MAPKAP1: variants seen among roughly 807,000 people sequenced by gnomAD.
The protein encoded by MAPKAP1 is MAPK associated protein 1, also known as target of rapamycin complex 2 subunit MAPKAP1.
MAPKAP1 carries 20 observed loss-of-function variants against 65.7 expected under a neutral mutation model. That is an observed-to-expected ratio of 0.30 (90% CI 0.21 to 0.44). The LOEUF (loss-of-function observed/expected upper bound fraction) is 0.44, where lower values mean the gene tolerates loss of function less well. MAPKAP1 is among the 20% of genes least tolerant of loss of function. The probability of loss-of-function intolerance (pLI) is 1.00; values close to 1 mark genes in which losing one functional copy is unlikely to be tolerated. For synonymous variants in MAPKAP1, 222 were observed against 244.3 expected (o/e 0.91, Z 0.85); for missense variants, 423 against 648.0 (o/e 0.65, Z 3.77).
chr9:125,556,656 A>G (rs914496312), intron 6 of MAPKAP1, among the ~76,000 whole-genome samples: 1 of 152,150 alleles, frequency 6.6e-6, no homozygotes, highest in Non-Finnish European at 1.5e-5. Context: ...CTGGGAGACA[A>G]ATGGAAGGAG....
At chr9:125,565,557 T>A (rs933951193) in intron 5 of MAPKAP1, 1 of 274,454 alleles carries the variant, frequency 3.6e-6, no homozygotes, top group Non-Finnish European at 7.7e-6. Flanking sequence ...ATTAATAGTG[T>A]ATTGGGCATT....
chr9:125,614,703 T>C (rs1185449867), intron 4 of MAPKAP1, among the ~76,000 whole-genome samples: 1 of 152,174 alleles, frequency 6.6e-6, no homozygotes, highest in Admixed American at 6.5e-5. Flanking sequence ...ATTCAGTATA[T>C]TCAACATTCA....
chr9:125,514,757 C>T (rs985934309), intron 7 of MAPKAP1, among the ~76,000 whole-genome samples: 6 of 152,118 alleles, frequency 3.9e-5, no homozygotes, highest in African/African-American at 1.4e-4. Context: ...CTTCTGGTGG[C>T]ACTGCTGACA....
At chr9:125,669,968 T>C in intron 2 of MAPKAP1, 61 bp from the exon 3 acceptor site, 1 of 918,178 alleles carries the variant, frequency 1.1e-6, no homozygotes, top group Non-Finnish European at 1.7e-6. Context: ...AACAAAGACA[T>C]AATTAACTAC....
At chr9:125,634,744 G>C (rs1056020232) in intron 4 of MAPKAP1, among the ~76,000 whole-genome samples, 3 of 152,182 alleles carry the variant, frequency 2.0e-5, no homozygotes, top group African/African-American at 7.2e-5. Flanking sequence ...GAAAGTCAAA[G>C]TCTCAAAACA....
intron 10 of MAPKAP1, among the ~76,000 whole-genome samples, chr9:125,444,932 T>C (rs188267978): frequency 6.6e-6 from 1 of 152,358 alleles, no homozygotes; most frequent in East Asian, 1.9e-4. Flanking sequence ...TAACTCCACA[T>C]TATTACTCTA....
intron 1 of MAPKAP1, among the ~76,000 whole-genome samples, chr9:125,689,862 G>A (rs1471030947): frequency 6.7e-6 from 1 of 148,204 alleles, no homozygotes; most frequent in African/African-American, 2.5e-5. Flanking sequence ...CGAGGTGGGC[G>A]GGTCACCTGA....
chr9:125,473,850 T>C (rs1854011770), intron 9 of MAPKAP1, among the ~76,000 whole-genome samples: 1 of 152,148 alleles, frequency 6.6e-6, no homozygotes. Flanking sequence ...AAGTCCTCTG[T>C]TCAAATGTCA....
chr9:125,525,070 G>T (rs1446563804), intron 7 of MAPKAP1, among the ~76,000 whole-genome samples: 1 of 152,184 alleles, frequency 6.6e-6, no homozygotes, highest in Non-Finnish European at 1.5e-5. Context: ...ATTTGAGCTG[G>T]GTTCCTTAGC....
chr9:125,536,889 C>T (rs2133153468), intron 7 of MAPKAP1, among the ~76,000 whole-genome samples: 1 of 152,264 alleles, frequency 6.6e-6, no homozygotes, highest in African/African-American at 2.4e-5. Flanking sequence ...GTGTATGTTG[C>T]TTTAAGAAAG....
At chr9:125,630,821 T>C (rs962229266) in intron 4 of MAPKAP1, among the ~76,000 whole-genome samples, 3 of 152,196 alleles carry the variant, frequency 2.0e-5, no homozygotes, top group African/African-American at 7.2e-5. Context: ...GTTCTTACTC[T>C]ATTAGTTCCA....
Position 125,447,241 on chromosome 9 carries a change from G to GT in MAPKAP1, c.1346-2644_1346-2643insA. ...CACCCATCTGAGGAAGAGTGAAGCA[G>GT]GTGAGGAGGAGGAAGAGTCCCAACA... On this transcript the variant is annotated intron_variant, in intron 10 of 11. Transcript: ENST00000265960. The surrounding 1 kb of genome is among the most constrained non-coding windows in gnomAD (Gnocchi z 4.5). 1.1e-5 allele frequency: 4 copies of GT among 378,396 alleles called. No individual in the cohort carries two copies. Among genetic ancestry groups the GT allele is most frequent in the Admixed American group, 5.7e-5 (2 of 35,070 alleles). The allele number at this position is 378,396 out of a possible 1,614,324, so 23.4% of individuals were successfully genotyped here.
chr9:125,528,847 CAAAAAAAAAAAAAA>C (rs61378848), intron 7 of MAPKAP1, among the ~76,000 whole-genome samples: 1 of 44,124 alleles, frequency 2.3e-5, no homozygotes, highest in East Asian at 6.9e-4. Flanking sequence ...GACTCCGTCT[CAAAAAAAAAAAAAA>C]AAAAAAAAAA....
At chr9:125,444,206 T>C (rs1243581729) in intron 11 of MAPKAP1, among the ~76,000 whole-genome samples, 1 of 152,148 alleles carries the variant, frequency 6.6e-6, no homozygotes, top group East Asian at 1.9e-4. Context: ...AAACAGTACA[T>C]AAAAGGAATA....
chr9:125,576,080 A>G (rs1831386185), intron 5 of MAPKAP1, among the ~76,000 whole-genome samples: 1 of 152,228 alleles, frequency 6.6e-6, no homozygotes, highest in Non-Finnish European at 1.5e-5. Flanking sequence ...AGCTAGTCTG[A>G]AAAGGCTACA....
At chr9:125,657,947 C>T (rs925320460) in intron 3 of MAPKAP1, 148 bp from the exon 4 acceptor site, 5 of 712,474 alleles carry the variant, frequency 7.0e-6, no homozygotes, top group South Asian at 3.8e-5. Flanking sequence ...CACAATATAC[C>T]GTGCACTGAA....
At chr9:125,502,376 C>T (rs767985115) in intron 8 of MAPKAP1, among the ~76,000 whole-genome samples, 1 of 152,174 alleles carries the variant, frequency 6.6e-6, no homozygotes, top group Non-Finnish European at 1.5e-5. Context: ...GCTGGGATTA[C>T]AGGCGTGAGC....
chr9:125,456,869 A>C (rs1192971267), intron 10 of MAPKAP1, among the ~76,000 whole-genome samples: 1 of 149,952 alleles, frequency 6.7e-6, no homozygotes, highest in Non-Finnish European at 1.5e-5. Flanking sequence ...CCAAACTGTA[A>C]GACAGTAAAT....
intron 1 of MAPKAP1, among the ~76,000 whole-genome samples, chr9:125,684,452 C>T (rs184372674): frequency 1.5e-4 from 23 of 152,218 alleles, no homozygotes; most frequent in African/African-American, 4.8e-4. Context: ...TTGAAAAACC[C>T]CACAATAATG....
Sources: gnomAD v4.1 joint callset for allele counts (sites outside exome capture counted in the v4.1 genomes callset) on GRCh38, gnomAD v4.1.1 for gene constraint, Gnocchi (gnomAD v3.1) non-coding constraint, MANE v1.5 for transcripts, NCBI Gene and HGNC (gene_info 2026-07-23, HGNC 2026-07-21) for gene names.